The following COL5A2 variants were observed in gnomAD, a reference collection of about 807,000 sequenced individuals.
COL5A2 encodes the protein collagen type V alpha 2 chain.
Under a neutral mutation model 208.2 loss-of-function variants are expected in COL5A2, and 23 were observed. The ratio of observed to expected loss-of-function variants is 0.11; its 90% CI spans 0.08 to 0.16. The LOEUF is 0.16. COL5A2 is among the 10% of genes least tolerant of loss of function. COL5A2 has a pLI of 1.00. For missense variants in COL5A2, 1,590 were observed against 1,956.4 expected (o/e 0.81, Z 3.53); for synonymous variants, 625 against 628.5 (o/e 0.99, Z 0.08).
intron 1 of COL5A2, among the ~76,000 whole-genome samples, chr2:189,138,586 T>C (rs1224278364): frequency 3.9e-5 from 6 of 152,164 alleles, no homozygotes; most frequent in East Asian, 1.9e-4. Context: ...AGGTCCCAGA[T>C]TGTGGTTTCT....
the COL5A2 span, among the ~76,000 whole-genome samples, chr2:189,333,430 G>A: frequency 6.6e-6 from 1 of 152,102 alleles, no homozygotes; most frequent in Non-Finnish European, 1.5e-5. Context: ...TTATTCCAAT[G>A]AATTTGACAT....
the COL5A2 span, among the ~76,000 whole-genome samples, chr2:189,276,899 A>G: frequency 2.0e-5 from 3 of 152,122 alleles, no homozygotes; most frequent in Non-Finnish European, 4.4e-5. Context: ...TCTAAAAAAT[A>G]AGATCTTAAT....
chr2:189,056,394 G>C (rs1422034957), intron 35 of COL5A2, among the ~76,000 whole-genome samples: 1 of 152,176 alleles, frequency 6.6e-6, no homozygotes, highest in Non-Finnish European at 1.5e-5. Flanking sequence ...CCTTGGAATT[G>C]TAAATGCATT....
the COL5A2 span, among the ~76,000 whole-genome samples, chr2:189,325,153 A>G: frequency 6.6e-6 from 1 of 151,282 alleles, no homozygotes; most frequent in Admixed American, 6.6e-5. Flanking sequence ...AACATCACAC[A>G]CTGGGGCCTG....
At chr2:189,344,333 C>CG in the COL5A2 span, among the ~76,000 whole-genome samples, 3 of 152,080 alleles carry the variant, frequency 2.0e-5, no homozygotes, top group Non-Finnish European at 4.4e-5. Context: ...AAAAAACTCT[C>CG]GGGTCAAACA....
chr2:189,285,170 A>G, the COL5A2 span, among the ~76,000 whole-genome samples: 1 of 151,494 alleles, frequency 6.6e-6, no homozygotes. Context: ...AACACAGAGC[A>G]AGGCAGTATG....
chr2:189,197,828 G>T (rs536760932), intron 1 of COL5A2, among the ~76,000 whole-genome samples: 2 of 148,228 alleles, frequency 1.3e-5, no homozygotes, highest in African/African-American at 5.0e-5. Flanking sequence ...TTCCTCTTAC[G>T]TGGCAAAAGT....
intron 45 of COL5A2, among the ~76,000 whole-genome samples, chr2:189,047,288 G>A (rs941006248): frequency 1.3e-5 from 2 of 152,126 alleles, no homozygotes; most frequent in African/African-American, 4.8e-5. Context: ...TTTGAAGATG[G>A]TTGCACTATA....
chr2:189,182,669 AAAAC>A (rs1452188627), upstream of COL5A2, among the ~76,000 whole-genome samples: 1 of 152,216 alleles, frequency 6.6e-6, no homozygotes, highest in African/African-American at 2.4e-5. Context: ...GAATAACAGA[AAAAC>A]AAATAATAAA....
chr2:189,243,781 T>C, the COL5A2 span, among the ~76,000 whole-genome samples: 2 of 152,192 alleles, frequency 1.3e-5, no homozygotes, highest in Admixed American at 1.3e-4. Context: ...AAGTCCCCTC[T>C]GCCTACGAGC....
chr2:189,055,205 T>C (rs1685878306), intron 35 of COL5A2, among the ~76,000 whole-genome samples: 1 of 152,110 alleles, frequency 6.6e-6, no homozygotes, highest in East Asian at 1.9e-4. Flanking sequence ...TCTTTTGAGA[T>C]GAAAAGGAAA....
At chr2:189,225,012 TA>T (rs1210511257) in intron 1 of COL5A2, among the ~76,000 whole-genome samples, 2 of 152,128 alleles carry the variant, frequency 1.3e-5, no homozygotes, top group Non-Finnish European at 2.9e-5. Context: ...CTGCAATGCA[TA>T]TCAAAACAAT....
intron 34 of COL5A2, 49 bp downstream of exon 34, chr2:189,057,271 A>G (rs1425123429): frequency 7.9e-7 from 1 of 1,258,068 alleles, no homozygotes; most frequent in African/African-American, 1.5e-5. Flanking sequence ...TTTCAGCAGA[A>G]AGTCTGAATA....
Position 189,060,786 on chromosome 2 carries a change from A to C in COL5A2, c.2032-3T>G, listed in dbSNP as rs1199275638. On this transcript the variant is annotated splice_region_variant and splice_polypyrimidine_tract_variant and intron_variant, in intron 30 of 53. Coordinates refer to ENST00000374866, the MANE Select transcript of COL5A2 (RefSeq NM_000393.5). ...GGCCCTGGAGGACCAGGAAGCCCCTAAAACAAAAGTAAGAAAATAAAATTG... is the reference window on the plus strand; with the variant it reads ...GGCCCTGGAGGACCAGGAAGCCCCTCAAACAAAAGTAAGAAAATAAAATTG... The C allele has an allele frequency of 1.9e-6, 3 of 1,612,382 alleles. No individual in the cohort carries two copies. In the East Asian group the frequency reaches 6.7e-5, roughly 36 times the overall value.
chr2:189,102,815 A>C (rs1408869014), intron 3 of COL5A2, among the ~76,000 whole-genome samples: 1 of 152,138 alleles, frequency 6.6e-6, no homozygotes, highest in Admixed American at 6.6e-5. Context: ...ATAAACGAAG[A>C]ACAAATTGCA....
rs1686494975 is a variant in COL5A2 at position 189,079,974 on chromosome 2, T to C, written c.960+4A>G. The C allele has an allele frequency of 1.9e-6, 3 of 1,611,148 alleles. No individual in the cohort carries two copies. The highest frequency in any genetic ancestry group is 1.1e-5 in the South Asian group (1 of 91,012). ...AGGTTACAGTGAGATAATTATAAGA[T>C]TACCTTGGAACCAGGTGCTCCAACT... On this transcript the variant is annotated splice_donor_region_variant and intron_variant, in intron 14 of 53. Coordinates refer to ENST00000374866, the MANE Select transcript of COL5A2 (RefSeq NM_000393.5).
the COL5A2 span, among the ~76,000 whole-genome samples, chr2:189,306,533 A>G: frequency 6.6e-6 from 1 of 152,212 alleles, no homozygotes; most frequent in African/African-American, 2.4e-5. Flanking sequence ...ATTTCTAACA[A>G]TAAACAAACT....
the COL5A2 span, among the ~76,000 whole-genome samples, chr2:189,416,060 A>T: frequency 6.6e-6 from 1 of 152,212 alleles, no homozygotes; most frequent in Non-Finnish European, 1.5e-5. Flanking sequence ...ACATTCCTAC[A>T]ACAGGTGCTG....
chr2:189,418,262 A>G, the COL5A2 span, among the ~76,000 whole-genome samples: 2 of 152,202 alleles, frequency 1.3e-5, no homozygotes, highest in African/African-American at 4.8e-5. Flanking sequence ...CATTTCCTGA[A>G]ACTTTTCTAT....
Sources: allele counts gnomAD v4.1 joint callset (sites outside exome capture counted in the v4.1 genomes callset), GRCh38; gene constraint gnomAD v4.1.1; transcripts MANE v1.5; gene names NCBI Gene and HGNC (gene_info 2026-07-23, HGNC 2026-07-21).